The following DMD variants were observed in gnomAD, a reference collection of about 807,000 sequenced individuals.
DMD encodes the protein mutant dystrophin.
DMD carries 63 observed loss-of-function variants against 330.1 expected under a neutral mutation model. The ratio of observed to expected loss-of-function variants is 0.19; its 90% CI spans 0.16 to 0.24. The LOEUF is 0.24. DMD is among the 10% of genes least tolerant of loss of function. The pLI, the probability that DMD is intolerant of heterozygous loss-of-function variation, is 1.00. For missense variants in DMD, 3,344 were observed against 2,684.1 expected (o/e 1.25, Z -5.43); for synonymous variants, 1,223 against 959.8 (o/e 1.27, Z -5.07).
intron 1 of DMD, among the ~76,000 whole-genome samples, chrX:33,092,290 A>C (rs1392704724): frequency 8.9e-6 from 1 of 112,040 alleles, no homozygotes; most frequent in African/African-American, 3.2e-5. Context: ...TTATAATATC[A>C]CATTTATCAT....
intron 44 of DMD, among the ~76,000 whole-genome samples, chrX:32,199,919 G>C (rs2097026444): frequency 1.8e-5 from 2 of 109,830 alleles, no homozygotes; most frequent in South Asian, 4.0e-4. Context: ...TTCCCAAAGT[G>C]CTGGGATTAC....
At chrX:32,205,010 T>TACAC (rs57507348) in intron 44 of DMD, among the ~76,000 whole-genome samples, 3,585 of 52,910 alleles carry the variant, frequency 0.068, 94 homozygotes, top group Admixed American at 0.1. Context: ...CTCTCTCACA[T>TACAC]ACACACACAC....
At chrX:32,940,415 A>G (rs780217576) in intron 2 of DMD, among the ~76,000 whole-genome samples, 1 of 111,596 alleles carries the variant, frequency 9.0e-6, no homozygotes, top group Non-Finnish European at 1.9e-5. Context: ...TAACATTTAA[A>G]TAAGAGCAAA....
chrX:32,257,120 A>T (rs1833161045), intron 43 of DMD, among the ~76,000 whole-genome samples: 1 of 111,801 alleles, frequency 8.9e-6, no homozygotes, highest in African/African-American at 3.3e-5. Flanking sequence ...GATGTGAAGG[A>T]CCTCTTCAAG....
intron 62 of DMD, among the ~76,000 whole-genome samples, chrX:31,292,419 C>T (rs1371101047): frequency 8.9e-6 from 1 of 112,068 alleles, no homozygotes; most frequent in African/African-American, 3.2e-5. Flanking sequence ...ATTCTACTCA[C>T]ACACTCACTG....
At chrX:32,428,760 C>A (rs901618752) in intron 29 of DMD, among the ~76,000 whole-genome samples, 1 of 110,871 alleles carries the variant, frequency 9.0e-6, no homozygotes, top group African/African-American at 3.3e-5. Flanking sequence ...TACAGGCGTG[C>A]ACCACCACAG....
intron 2 of DMD, among the ~76,000 whole-genome samples, chrX:32,887,688 C>T (rs2149241621): frequency 1.1e-5 from 1 of 87,495 alleles, no homozygotes; most frequent in Admixed American, 1.6e-4. Context: ...GTGGAGGTTG[C>T]TGTGAGCCTA....
chrX:31,164,407 T>C (rs2039196807), intron 74 of DMD, among the ~76,000 whole-genome samples: 1 of 111,591 alleles, frequency 9.0e-6, no homozygotes, highest in Non-Finnish European at 1.9e-5. Context: ...GGACCTCTAA[T>C]AAACACTGCT....
At chrX:31,956,466 G>A (rs1182291743) in intron 45 of DMD, among the ~76,000 whole-genome samples, 2 of 111,453 alleles carry the variant, frequency 1.8e-5, no homozygotes, top group Non-Finnish European at 1.9e-5. Flanking sequence ...GATGTAAGGG[G>A]CAGGTAAAGC....
At chrX:32,176,486 C>A (rs1254642936) in intron 44 of DMD, among the ~76,000 whole-genome samples, 2 of 112,129 alleles carry the variant, frequency 1.8e-5, no homozygotes, top group East Asian at 5.6e-4. Context: ...TTGATGATCA[C>A]ATACAAATCA....
chrX:33,047,515 G>A (rs1474418041), intron 1 of DMD, among the ~76,000 whole-genome samples: 1 of 110,518 alleles, frequency 9.0e-6, no homozygotes, highest in Non-Finnish European at 1.9e-5. Context: ...TTTTAAAAAA[G>A]CTTATGCACA....
chrX:31,253,721 G>A (rs2049643748), intron 63 of DMD, among the ~76,000 whole-genome samples: 1 of 111,872 alleles, frequency 8.9e-6, no homozygotes, highest in African/African-American at 3.2e-5. Context: ...TAGAACTGCT[G>A]AAGAATCACA....
At chrX:31,968,929 C>T (rs770682882) in intron 44 of DMD, among the ~76,000 whole-genome samples, 1 of 109,431 alleles carries the variant, frequency 9.1e-6, no homozygotes, top group African/African-American at 3.3e-5. Context: ...ATCGTGGATA[C>T]GAGAGGTGAA....
chrX:32,312,761 G>A (rs1035861243), intron 41 of DMD, among the ~76,000 whole-genome samples: 2 of 106,443 alleles, frequency 1.9e-5, no homozygotes, highest in African/African-American at 3.4e-5. Flanking sequence ...CGATCCCACA[G>A]AAATACAAAC....
At chrX:33,136,606 T>C (rs1289865774) in intron 1 of DMD, among the ~76,000 whole-genome samples, 2 of 109,967 alleles carry the variant, frequency 1.8e-5, no homozygotes, top group African/African-American at 6.6e-5. Context: ...GGAGCCCTCA[T>C]GAATGGGATT....
At chrX:31,826,050 T>G (rs1352573290) in intron 49 of DMD, among the ~76,000 whole-genome samples, 1 of 112,221 alleles carries the variant, frequency 8.9e-6, no homozygotes, top group African/African-American at 3.2e-5. Flanking sequence ...ATAGTTACGA[T>G]AAAATTTTTT....
intron 16 of DMD, among the ~76,000 whole-genome samples, chrX:32,560,436 C>T (rs1419289386): frequency 5.4e-5 from 6 of 110,884 alleles, no homozygotes; most frequent in Non-Finnish European, 7.5e-5. Flanking sequence ...AAATTTCTTA[C>T]TATCACATTT....
At chrX:32,534,619 A>T (rs975898392) in intron 17 of DMD, among the ~76,000 whole-genome samples, 1 of 111,383 alleles carries the variant, frequency 9.0e-6, no homozygotes. Context: ...GTATTTCTTT[A>T]TAACAGTGCA....
chrX:32,210,255 TA>T (rs1170149203), intron 44 of DMD, among the ~76,000 whole-genome samples: 3 of 112,168 alleles, frequency 2.7e-5, no homozygotes, highest in Non-Finnish European at 5.6e-5. Flanking sequence ...CTGATTCCCT[TA>T]TGCTAGTGTA....
Sources: gnomAD v4.1 joint callset for allele counts (sites outside exome capture counted in the v4.1 genomes callset) on GRCh38, gnomAD v4.1.1 for gene constraint, MANE v1.5 for transcripts, NCBI Gene and HGNC (gene_info 2026-07-23, HGNC 2026-07-21) for gene names.